The following TRRAP variants were observed in gnomAD, a reference collection of about 807,000 sequenced individuals.
The protein encoded by TRRAP is transformation/transcription domain-associated protein.
Under a neutral mutation model 438.8 loss-of-function variants are expected in TRRAP, and 41 were observed. That is an observed-to-expected ratio of 0.09 (90% CI 0.07 to 0.12). The LOEUF is 0.12. Among genes scored for constraint, TRRAP ranks in the 10% least tolerant of loss-of-function variants. The probability of loss-of-function intolerance (pLI) is 1.00; values close to 1 mark genes in which losing one functional copy is unlikely to be tolerated. For missense variants in TRRAP, 3,122 were observed against 5,055.1 expected, an observed-to-expected ratio of 0.62 and a Z score of 11.60; for synonymous variants, 1,994 against 1,962.9, an observed-to-expected ratio of 1.02 and a Z score of -0.42.
intron 67 of TRRAP, chr7:98,999,432 A>G: frequency 1.0e-6 from 1 of 982,612 alleles, no homozygotes; most frequent in Non-Finnish European, 1.6e-6. Flanking sequence ...TCCAAAATCT[A>G]GCTCTGATGG....
At chr7:98,979,197 G>A (rs1248950566) in intron 58 of TRRAP, among the ~76,000 whole-genome samples, 1 of 152,184 alleles carries the variant, frequency 6.6e-6, no homozygotes, top group African/African-American at 2.4e-5. Context: ...TTGGATGCAG[G>A]GAGTTTGTGT....
intron 40 of TRRAP, 81 bp downstream of exon 40, chr7:98,953,514 C>T: frequency 6.4e-7 from 1 of 1,558,186 alleles, no homozygotes; most frequent in Non-Finnish European, 8.7e-7. Context: ...CAGTCTCAGC[C>T]TCTCCTGTTG....
chr7:98,991,994 A>G (rs566015071), intron 64 of TRRAP, 143 bp from the exon 65 acceptor site: 3 of 817,020 alleles, frequency 3.7e-6, no homozygotes, highest in Non-Finnish European at 6.1e-6. Context: ...GCGTCAGATC[A>G]GTGCTGCAGT....
In TRRAP at chr7:98,912,262, G is replaced by A. The variant is rs1303349373; in HGVS notation, c.2199+49G>A. ...GTGCTTCTGTTCAGGGTTTTTTATT[G>A]TTGTTAGAGACAGGGCCTCACGGTG... On this transcript the variant is annotated intron_variant, in intron 18 of 72. Transcript: ENST00000456197. 10 of 1,581,940 alleles carry A rather than the reference G, an allele frequency of 6.3e-6. No homozygotes were observed. The African/African-American group carries it at 1.1e-4, about 17-fold the overall frequency.
rs1554420254 is a variant in TRRAP, at chr7:98,957,994, G to A, written c.6245G>A (p.Ser2082Asn). The change falls in exon 44 of 73, where the codon AGC becomes AAC. Residue 2082 changes from serine to asparagine, a missense_variant. This residue lies in a region of TRRAP where 992 missense variants were observed against 1,281.2 expected (regional missense o/e 0.77). Coordinates refer to ENST00000456197, the MANE Select transcript of TRRAP (RefSeq NM_001375524.1). ...GTCCTTTTCCAGGTCTTTGGGAGGA[G>A]CCAGTCGCTACCTGGAGCAGACTCT... ...TGAISAVFGR[S>N]QSLPGADSLL... 1 of 1,614,048 alleles carries A rather than the reference G, an allele frequency of 6.2e-7. No individual in the cohort carries two copies. The highest frequency in any genetic ancestry group is 8.5e-7 in the Non-Finnish European group (1 of 1,179,984).
At chr7:98,984,450 A>T (rs1426198422) in intron 61 of TRRAP, 92 bp downstream of exon 61, 1 of 1,441,288 alleles carries the variant, frequency 6.9e-7, no homozygotes, top group Non-Finnish European at 9.2e-7. Flanking sequence ...TCAGAATATA[A>T]GGAAGGTGGA....
chr7:98,965,720 G>A lies in TRRAP; in HGVS notation c.7001G>A (p.Ser2334Asn), dbSNP rs1221465259. Residue 2334 changes from serine to asparagine, a missense_variant, in exon 49 of 73, where the codon AGT becomes AAT. Ser to Asn is a conservative substitution (Grantham distance 46). Coordinates refer to ENST00000456197, the MANE Select transcript of TRRAP (RefSeq NM_001375524.1). ...TSGTSELVML[S>N]LELVKTRLAV... ...GGTACAAGCGAGCTGGTGATGCTGA[G>A]TCTGGAGCTGGTGAAGACGCGCCTG... is the stretch of plus-strand genomic sequence containing the variant. 6.2e-7 allele frequency: 1 copy of A among 1,614,178 alleles called. No individual in the cohort carries two copies. Among genetic ancestry groups the A allele is most frequent in the South Asian group, 1.1e-5 (1 of 91,074 alleles).
At position 98,965,689 on chromosome 7, in the gene TRRAP, C is replaced by T. The variant is rs370416016; in HGVS notation, c.6977-7C>T. 6.0e-5 allele frequency: 97 copies of T among 1,613,644 alleles called. No individual in the cohort carries two copies. In the African/African-American group the frequency reaches 1.1e-3, roughly 18 times the overall value. The stretch of plus-strand genomic sequence containing the variant: ...CCCGTGGGTTTGTTCTTAATTGGGG[C>T]GAGCAGGTACAAGCGAGCTGGTGAT... On this transcript the variant is annotated splice_region_variant and splice_polypyrimidine_tract_variant and intron_variant, in intron 48 of 72. Transcript: ENST00000456197.
In TRRAP at chr7:98,965,687, G is replaced by C. The variant is rs753859694; in HGVS notation, c.6977-9G>C. On this transcript the variant is annotated splice_polypyrimidine_tract_variant and intron_variant, in intron 48 of 72. Coordinates refer to ENST00000456197, the MANE Select transcript of TRRAP (RefSeq NM_001375524.1). ...GACCCGTGGGTTTGTTCTTAATTGG[G>C]GCGAGCAGGTACAAGCGAGCTGGTG... 1 of 1,613,868 alleles carries C rather than the reference G, an allele frequency of 6.2e-7. No homozygotes were observed. Among genetic ancestry groups the C allele is most frequent in the Non-Finnish European group, 8.5e-7 (1 of 1,180,018 alleles).
chr7:98,965,119 C>T (rs1040783369), intron 48 of TRRAP, among the ~76,000 whole-genome samples: 2 of 152,254 alleles, frequency 1.3e-5, no homozygotes, highest in Non-Finnish European at 2.9e-5. Context: ...TTGAGACTCT[C>T]TCTCACGTGT....
In TRRAP at chr7:98,908,667, G is replaced by A; in HGVS notation, c.1116-61G>A. On this transcript the variant is annotated intron_variant, in intron 13 of 72. Coordinates refer to ENST00000456197, the MANE Select transcript of TRRAP (RefSeq NM_001375524.1). The surrounding 1 kb of genome is among the most constrained non-coding windows in gnomAD (Gnocchi z 4.1). ...TGGGGCAGATGGTGATATCCTTGGT[G>A]GCCTGCTGCAGCAGGCATGGCCACG... The A allele has an allele frequency of 6.9e-7, 1 of 1,443,324 alleles. No homozygotes were observed. Among genetic ancestry groups the A allele is most frequent in the Non-Finnish European group, 9.4e-7 (1 of 1,064,344 alleles). 89.4% of individuals were successfully genotyped at this position (1,443,324 alleles called of 1,614,324 possible).
intron 67 of TRRAP, among the ~76,000 whole-genome samples, chr7:99,000,559 G>A (rs1793871830): frequency 6.6e-6 from 1 of 152,176 alleles, no homozygotes; most frequent in Admixed American, 6.5e-5. Flanking sequence ...CCAGCCTTGG[G>A]GCCAGCCCTG....
rs368104113 is a variant in TRRAP, at chr7:98,956,518, C to T, written c.6216C>T (p.Thr2072=). 1.2e-5 allele frequency: 19 copies of T among 1,613,888 alleles called. No homozygotes were observed. Among genetic ancestry groups the T allele is most frequent in the South Asian group, 2.2e-5 (2 of 91,046 alleles). ...AQEVKRFRTA[T]GAISAVFGRS... is the part of the protein sequence containing the mutation. ...AAGTGAAACGCTTTAGGACGGCCAC[C>T]GGAGCCATCAGTGCAGTAAGATCAT... Residue 2072 remains threonine, a synonymous_variant, in exon 43 of 73, where the codon ACC becomes ACT. Coordinates refer to ENST00000456197, the MANE Select transcript of TRRAP (RefSeq NM_001375524.1). The surrounding 1 kb of genome is among the most constrained non-coding windows in gnomAD (Gnocchi z 4.5).
At chr7:98,995,668 AC>A (rs1046935153) in intron 67 of TRRAP, among the ~76,000 whole-genome samples, 22 of 111,304 alleles carry the variant, frequency 2.0e-4, no homozygotes, top group Admixed American at 1.2e-3. Context: ...CCATCTACAC[AC>A]CCCTGTTCCA....
In TRRAP at chr7:99,008,545, C is replaced by T; in HGVS notation, c.10922C>T (p.Thr3641Ile). 1 of 1,613,588 alleles carries T rather than the reference C, an allele frequency of 6.2e-7. No individual in the cohort carries two copies. The highest frequency in any genetic ancestry group is 8.5e-7 in the Non-Finnish European group (1 of 1,179,972). The change falls in exon 70 of 73, where the codon ACC (threonine) becomes ATC (isoleucine). Residue 3641 changes from threonine to isoleucine, a missense_variant. This residue lies in a region of TRRAP where 192 missense variants were observed against 355.6 expected (regional missense o/e 0.54). Transcript: ENST00000456197. ...DRLATVQARG[T>I]QASHQVLRDI... is the part of the protein sequence containing the mutation. The stretch of plus-strand genomic sequence containing the variant: ...CTGGCTACGGTGCAGGCGCGGGGAA[C>T]CCAAGCCAGCCACCAGGTAGCAGTG...
At chr7:98,906,297 G>A in intron 13 of TRRAP, 42 bp downstream of exon 13, 1 of 1,551,368 alleles carries the variant, frequency 6.4e-7, no homozygotes, top group Non-Finnish European at 8.9e-7. Context: ...TTAAATGCCA[G>A]GAGCATCAGT....
At chr7:98,919,555 T>C (rs1281654214) in intron 20 of TRRAP, among the ~76,000 whole-genome samples, 1 of 152,148 alleles carries the variant, frequency 6.6e-6, no homozygotes, top group Non-Finnish European at 1.5e-5. Flanking sequence ...TGAGACATGA[T>C]TGAACCACTG....
intron 21 of TRRAP, among the ~76,000 whole-genome samples, chr7:98,924,741 T>C (rs1449576539): frequency 1.4e-5 from 2 of 145,312 alleles, no homozygotes; most frequent in Admixed American, 7.0e-5. Context: ...CGGTGGCTCA[T>C]GCCTGTTATC....
chr7:98,879,487 G>A (rs1470616629), intron 1 of TRRAP, among the ~76,000 whole-genome samples: 2 of 151,716 alleles, frequency 1.3e-5, no homozygotes, highest in Admixed American at 6.6e-5. Context: ...AGGAGAGACC[G>A]TAACCCCGAG....
Sources: allele counts gnomAD v4.1 joint callset (sites outside exome capture counted in the v4.1 genomes callset), GRCh38; gene constraint gnomAD v4.1.1; regional missense constraint gnomAD v4.1.1; non-coding constraint Gnocchi (gnomAD v3.1); transcripts MANE v1.5; gene names NCBI Gene and HGNC (gene_info 2026-07-23, HGNC 2026-07-21).